The following IMMP2L variants were observed in gnomAD, a reference collection of about 807,000 sequenced individuals.
The protein encoded by IMMP2L is mitochondrial inner membrane protease subunit 2.
A neutral mutation model predicts 19.3 loss-of-function variants in IMMP2L; 18 were observed. That is an observed-to-expected ratio of 0.93 (90% CI 0.64 to 1.38). The LOEUF is 1.38. Ranked by LOEUF, IMMP2L falls within the 40% of genes most tolerant of loss-of-function variation. The pLI is 0.00. For missense variants in IMMP2L, 233 were observed against 218.2 expected (o/e 1.07, Z -0.43); for synonymous variants, 76 against 73.0 (o/e 1.04, Z -0.21).
At chr7:111,118,746 C>T (rs1176316934) in intron 3 of IMMP2L, among the ~76,000 whole-genome samples, 2 of 152,052 alleles carry the variant, frequency 1.3e-5, no homozygotes, top group Non-Finnish European at 2.9e-5. Context: ...ATCATTTCCA[C>T]AGACTTAAGA....
At chr7:111,325,752 G>T (rs750175749) in intron 3 of IMMP2L, among the ~76,000 whole-genome samples, 1 of 151,238 alleles carries the variant, frequency 6.6e-6, no homozygotes, top group South Asian at 2.1e-4. Context: ...TTTACATTCC[G>T]ACCACGAGTA....
At chr7:110,887,348 T>C (rs762460120) in intron 4 of IMMP2L, among the ~76,000 whole-genome samples, 1 of 152,050 alleles carries the variant, frequency 6.6e-6, no homozygotes. Context: ...TCTATATTAA[T>C]GTTGGCAAGG....
chr7:111,540,636 C>G (rs1848428212), intron 1 of IMMP2L, among the ~76,000 whole-genome samples: 1 of 152,096 alleles, frequency 6.6e-6, no homozygotes, highest in African/African-American at 2.4e-5. Context: ...GTGTTAGTTA[C>G]CGTTTTATAG....
chr7:111,217,126 T>TCTCACA (rs1472700586), intron 3 of IMMP2L, among the ~76,000 whole-genome samples: 13 of 123,998 alleles, frequency 1.0e-4, no homozygotes, highest in African/African-American at 2.5e-4. Context: ...TCTCTCTCTC[T>TCTCACA]CACACACACA....
At chr7:110,765,407 G>T (rs1405036110) in intron 5 of IMMP2L, among the ~76,000 whole-genome samples, 1 of 152,126 alleles carries the variant, frequency 6.6e-6, no homozygotes, top group East Asian at 1.9e-4. Flanking sequence ...CTGGGCTGAA[G>T]AAGTTATCAT....
At chr7:111,216,308 A>G (rs536111685) in intron 3 of IMMP2L, among the ~76,000 whole-genome samples, 1 of 152,288 alleles carries the variant, frequency 6.6e-6, no homozygotes, top group East Asian at 1.9e-4. Flanking sequence ...CTATATCAGT[A>G]TTTTATTTCT....
intron 3 of IMMP2L, among the ~76,000 whole-genome samples, chr7:111,427,005 AG>A (rs1836143955): frequency 6.6e-6 from 1 of 151,232 alleles, no homozygotes; most frequent in Admixed American, 6.6e-5. Flanking sequence ...CCTAACTCAT[AG>A]TCTCATTGCA....
chr7:111,201,279 C>CAAA (rs564280464), intron 3 of IMMP2L, among the ~76,000 whole-genome samples: 2 of 134,298 alleles, frequency 1.5e-5, no homozygotes, highest in African/African-American at 2.6e-5. Flanking sequence ...GTATCAAATC[C>CAAA]AAAAAAAAAA....
intron 3 of IMMP2L, among the ~76,000 whole-genome samples, chr7:110,968,445 G>C (rs369103564): frequency 1.3e-5 from 2 of 152,206 alleles, no homozygotes; most frequent in South Asian, 2.1e-4. Flanking sequence ...GTATGAGGAG[G>C]ATGGATGGCT....
intron 3 of IMMP2L, among the ~76,000 whole-genome samples, chr7:111,280,557 A>G (rs1000878015): frequency 1.3e-4 from 20 of 152,194 alleles, no homozygotes; most frequent in Admixed American, 8.5e-4. Context: ...AGTGGTTGGT[A>G]CACATCAAAC....
At chr7:110,808,904 A>G (rs1801824859) in intron 5 of IMMP2L, among the ~76,000 whole-genome samples, 1 of 152,084 alleles carries the variant, frequency 6.6e-6, no homozygotes. Flanking sequence ...GTCATGATTC[A>G]TAATCCTCGA....
chr7:110,903,094 G>A (rs1812067389), intron 4 of IMMP2L, among the ~76,000 whole-genome samples: 1 of 152,152 alleles, frequency 6.6e-6, no homozygotes, highest in African/African-American at 2.4e-5. Flanking sequence ...GCCAGCGACT[G>A]ATGAAAGCCA....
chr7:111,143,450 T>C (rs1803151308), intron 3 of IMMP2L, among the ~76,000 whole-genome samples: 1 of 152,136 alleles, frequency 6.6e-6, no homozygotes, highest in South Asian at 2.1e-4. Flanking sequence ...AGCACTGAGA[T>C]GTTCCCCGTG....
intron 5 of IMMP2L, among the ~76,000 whole-genome samples, chr7:110,816,918 C>A (rs1038624592): frequency 2.0e-5 from 3 of 152,092 alleles, no homozygotes; most frequent in Non-Finnish European, 4.4e-5. Flanking sequence ...GACTCTTTAT[C>A]CAATTTGCCA....
At chr7:111,165,419 T>C (rs553937793) in intron 3 of IMMP2L, among the ~76,000 whole-genome samples, 1 of 152,154 alleles carries the variant, frequency 6.6e-6, no homozygotes, top group African/African-American at 2.4e-5. Context: ...CTGCTTTCAA[T>C]TCTTTTGGAT....
chr7:111,555,134 G>A lies in IMMP2L; in HGVS notation c.-3+6717C>T, dbSNP rs183020727. 4.1e-3 allele frequency among the ~76,000 whole-genome samples: 617 copies of A among 152,136 alleles called. 10 individuals carry two copies. The highest frequency in any genetic ancestry group is 1.7e-3 in the Non-Finnish European group (116 of 67,984). ...CTTTGTATCCAGGGCCTTTACCATA[G>A]CAGATATTAATACATGTTGGCTATG... On this transcript the variant is annotated intron_variant, in intron 1 of 5. Coordinates refer to ENST00000405709, the MANE Select transcript of IMMP2L (RefSeq NM_032549.4).
At chr7:111,199,904 T>C (rs903039909) in intron 3 of IMMP2L, among the ~76,000 whole-genome samples, 6 of 152,112 alleles carry the variant, frequency 3.9e-5, no homozygotes, top group Non-Finnish European at 5.9e-5. Context: ...TTTAATAAAA[T>C]TGAACTCATA....
intron 5 of IMMP2L, among the ~76,000 whole-genome samples, chr7:110,722,055 C>A (rs1469894612): frequency 6.6e-6 from 1 of 151,920 alleles, no homozygotes; most frequent in Non-Finnish European, 1.5e-5. Context: ...TTTGAGCTGG[C>A]ATTTAAAAGA....
intron 3 of IMMP2L, among the ~76,000 whole-genome samples, chr7:111,139,533 T>G (rs1173220975): frequency 6.6e-6 from 1 of 152,110 alleles, no homozygotes; most frequent in African/African-American, 2.4e-5. Context: ...GGAAAGAGAT[T>G]TTTTAAAAAT....
Sources: gnomAD v4.1 joint callset for allele counts (sites outside exome capture counted in the v4.1 genomes callset) on GRCh38, gnomAD v4.1.1 for gene constraint, MANE v1.5 for transcripts, NCBI Gene and HGNC (gene_info 2026-07-23, HGNC 2026-07-21) for gene names.